SPAST: variants seen among roughly 807,000 people sequenced by gnomAD.
SPAST encodes spastic paraplegia 4 (autosomal dominant; spastin).
Under a neutral mutation model 76.6 loss-of-function variants are expected in SPAST, and 30 were observed. The ratio of observed to expected loss-of-function variants is 0.39; its 90% confidence interval spans 0.29 to 0.53. SPAST has a LOEUF of 0.53. Among genes scored for constraint, SPAST ranks in the 20% least tolerant of loss-of-function variants. SPAST has a pLI of 0.68. For synonymous variants in SPAST, 305 were observed against 281.0 expected, an observed-to-expected ratio of 1.09 and a Z score of -0.86; for missense variants, 717 against 770.5, an observed-to-expected ratio of 0.93 and a Z score of 0.82.
At chr2:32,085,578 G>A (rs1429230289) in intron 1 of SPAST, among the ~76,000 whole-genome samples, 1 of 152,056 alleles carries the variant, frequency 6.6e-6, no homozygotes. Context: ...CTGTCAACCA[G>A]CCGTAGTATA....
intron 16 of SPAST, among the ~76,000 whole-genome samples, chr2:32,149,350 G>A (rs923660271): frequency 2.7e-5 from 4 of 150,472 alleles, no homozygotes; most frequent in African/African-American, 7.3e-5. Context: ...CGCCAGCCTC[G>A]GCCTCCCTAA....
intron 16 of SPAST, among the ~76,000 whole-genome samples, chr2:32,151,424 C>T (rs1680081494): frequency 6.6e-6 from 1 of 152,090 alleles, no homozygotes; most frequent in African/African-American, 2.4e-5. Context: ...AAATATAAAA[C>T]TGATAGTGGC....
At chr2:32,085,879 T>C (rs2148707556) in intron 1 of SPAST, among the ~76,000 whole-genome samples, 1 of 151,816 alleles carries the variant, frequency 6.6e-6, no homozygotes, top group South Asian at 2.1e-4. Flanking sequence ...CCGTCTCTAC[T>C]AAAAATACAA....
intron 16 of SPAST, among the ~76,000 whole-genome samples, chr2:32,150,216 G>C (rs1317849766): frequency 2.0e-4 from 30 of 147,866 alleles, no homozygotes; most frequent in African/African-American, 7.2e-4. Flanking sequence ...GGGACTACAG[G>C]TGCACGCCAC....
At chr2:32,106,731 A>AT in intron 4 of SPAST, among the ~76,000 whole-genome samples, 1 of 152,150 alleles carries the variant, frequency 6.6e-6, no homozygotes, top group East Asian at 1.9e-4. Flanking sequence ...AGGACTTCTT[A>AT]TGTTGGTTTG....
chr2:32,091,185 TGACTTGGG>T (rs1382329850), intron 3 of SPAST, among the ~76,000 whole-genome samples: 1 of 151,062 alleles, frequency 6.6e-6, no homozygotes. Context: ...TGTAGCCCTG[TGACTTGGG>T]GTAAGTTATT....
chr2:32,137,030 G>A, intron 11 of SPAST, 62 bp downstream of exon 11: 1 of 1,534,796 alleles, frequency 6.5e-7, no homozygotes, highest in Non-Finnish European at 9.0e-7. Flanking sequence ...CTATTAAATG[G>A]CCAAGGTTAA....
At chr2:32,092,603 C>T (rs1677765588) in intron 3 of SPAST, among the ~76,000 whole-genome samples, 1 of 152,174 alleles carries the variant, frequency 6.6e-6, no homozygotes, top group Non-Finnish European at 1.5e-5. Context: ...TGAAACTAGG[C>T]ATTTAAAGAT....
chr2:32,064,309 G>C, intron 1 of SPAST, 63 bp downstream of exon 1: 11 of 786,688 alleles, frequency 1.4e-5, no homozygotes, highest in East Asian at 3.2e-5. Flanking sequence ...GTCGCCGGGG[G>C]AGGGCAACAC....
At chr2:32,097,698 C>CTTTTTTT in intron 3 of SPAST, among the ~76,000 whole-genome samples, 1 of 130,512 alleles carries the variant, frequency 7.7e-6, no homozygotes. Context: ...TTTTTCTTTT[C>CTTTTTTT]TTTTTTTTTT....
chr2:32,084,899 A>G (rs1319185041), intron 1 of SPAST, among the ~76,000 whole-genome samples: 1 of 151,160 alleles, frequency 6.6e-6, no homozygotes, highest in Non-Finnish European at 1.5e-5. Flanking sequence ...AAAAAAAAAA[A>G]AAAAAAAAAA....
intron 2 of SPAST, among the ~76,000 whole-genome samples, chr2:32,088,721 T>TTTAA (rs1558623677): frequency 1.3e-5 from 2 of 152,172 alleles, no homozygotes; most frequent in Admixed American, 1.3e-4. Flanking sequence ...TAAAAAACAA[T>TTTAA]TTAATTAAAG....
chr2:32,113,623 TA>T (rs1678705222), intron 4 of SPAST, among the ~76,000 whole-genome samples: 1 of 145,658 alleles, frequency 6.9e-6, no homozygotes. Context: ...TGGAGTGCAG[TA>T]GTGCAATCTC....
At chr2:32,084,403 A>T (rs552039722) in intron 1 of SPAST, among the ~76,000 whole-genome samples, 1 of 150,388 alleles carries the variant, frequency 6.6e-6, no homozygotes, top group Non-Finnish European at 1.5e-5. Context: ...TGACCTCGTG[A>T]TCCACCCGTC....
intron 4 of SPAST, among the ~76,000 whole-genome samples, chr2:32,112,458 C>T (rs1573113814): frequency 6.6e-6 from 1 of 151,340 alleles, no homozygotes; most frequent in African/African-American, 2.4e-5. Flanking sequence ...AGCAATTCTC[C>T]TGCCTCAGCC....
At chr2:32,102,266 G>GCTCT (rs1678154560) in intron 4 of SPAST, among the ~76,000 whole-genome samples, 1 of 150,144 alleles carries the variant, frequency 6.7e-6, no homozygotes. Flanking sequence ...TCATGATTTG[G>GCTCT]CTGTTTGTCT....
intron 9 of SPAST, among the ~76,000 whole-genome samples, chr2:32,133,042 A>G (rs2148750455): frequency 8.5e-6 from 1 of 118,222 alleles, no homozygotes; most frequent in African/African-American, 3.0e-5. Flanking sequence ...GTGAAACTCC[A>G]TCTCAAAAAA....
intron 4 of SPAST, among the ~76,000 whole-genome samples, chr2:32,101,094 C>G (rs567580595): frequency 6.6e-6 from 1 of 152,280 alleles, no homozygotes; most frequent in African/African-American, 2.4e-5. Flanking sequence ...AAAAGTGTTC[C>G]TGTTTCTCCA....
rs560312969 is a variant in SPAST at position 32,110,479 on chromosome 2, G to A, written c.683-4159G>A. Among the ~76,000 whole-genome samples, 7 of 135,330 alleles carry A rather than the reference G, an allele frequency of 5.2e-5. No individual in the cohort carries two copies. The East Asian group carries it at 1.3e-3, about 25-fold the overall frequency. The allele number at this position is 135,330 out of a possible 152,430, so 88.8% of individuals were successfully genotyped here. A position where few individuals can be genotyped will look rare whatever the true frequency, so the allele number is the denominator to read the frequency against. On this transcript the variant is annotated intron_variant, in intron 4 of 16. Transcript: ENST00000315285. ...TTTAGTTATATCAAAATAACTATAT[G>A]TATATGTAACTATATATATAGTATA...
Sources: gnomAD v4.1 joint callset for allele counts (sites outside exome capture counted in the v4.1 genomes callset) on GRCh38, gnomAD v4.1.1 for gene constraint, MANE v1.5 for transcripts, NCBI Gene and HGNC (gene_info 2026-07-23, HGNC 2026-07-21) for gene names.